Variants in SCAF8 observed in about 807,000 individuals in gnomAD.
SCAF8 encodes the protein SR-related and CTD-associated factor 8.
Under a neutral mutation model 140.5 loss-of-function variants are expected in SCAF8, and 23 were observed. The ratio of observed to expected loss-of-function variants is 0.16; its 90% CI spans 0.12 to 0.23. SCAF8 has a LOEUF of 0.23. Among genes scored for constraint, SCAF8 ranks in the 10% least tolerant of loss-of-function variants. SCAF8 has a pLI of 1.00. For missense variants in SCAF8, 1,397 were observed against 1,555.7 expected (o/e 0.90, Z 1.72); for synonymous variants, 575 against 528.9 (o/e 1.09, Z -1.20).
rs753498772 is a variant in SCAF8, at chr6:154,808,687, A to G, written c.1115A>G (p.Asp372Gly). ...TTTGCTGTTCTTTTGACTTTCAAGGATATGGATATAGATGAAGGGCAAGAT... is the reference window on the plus strand; with the variant it reads ...TTTGCTGTTCTTTTGACTTTCAAGGGTATGGATATAGATGAAGGGCAAGAT... Reference protein sequence around the residue: ...LDDSIDIQQQDMDIDEGQDGV... With the variant: ...LDDSIDIQQQGMDIDEGQDGV... Residue 372 changes from aspartate to glycine, a missense_variant and splice_region_variant, in exon 11 of 20, where the codon GAT becomes GGT. Coordinates refer to ENST00000367178, the MANE Select transcript of SCAF8 (RefSeq NM_014892.5). The G allele has an allele frequency of 2.5e-6, 4 of 1,593,094 alleles. No individual in the cohort carries two copies.
intron 1 of SCAF8, among the ~76,000 whole-genome samples, chr6:154,757,548 T>A (rs1778997607): frequency 6.6e-6 from 1 of 152,180 alleles, no homozygotes; most frequent in Non-Finnish European, 1.5e-5. Flanking sequence ...TATACTAAAC[T>A]ACTGTATGAA....
intron 8 of SCAF8, among the ~76,000 whole-genome samples, chr6:154,804,166 A>G (rs1261843295): frequency 6.6e-6 from 1 of 151,982 alleles, no homozygotes; most frequent in Non-Finnish European, 1.5e-5. Flanking sequence ...AAGATGTTGG[A>G]GGAGGCAGGG....
chr6:154,766,188 G>A (rs1776560435), intron 1 of SCAF8, among the ~76,000 whole-genome samples: 1 of 152,116 alleles, frequency 6.6e-6, no homozygotes, highest in South Asian at 2.1e-4. Flanking sequence ...AGTAGGCTGA[G>A]GAAGGGAAAG....
Position 154,831,992 on chromosome 6 carries a change from A to G in SCAF8, c.2413A>G (p.Asn805Asp), listed in dbSNP as rs765298813. The G allele has an allele frequency of 1.9e-6, 3 of 1,613,240 alleles. No homozygotes were observed. Among genetic ancestry groups the G allele is most frequent in the East Asian group, 4.5e-5 (2 of 44,858 alleles). The change falls in exon 20 of 20, where the codon AAT (asparagine) becomes GAT (aspartate). Residue 805 changes from asparagine to aspartate, a missense_variant. Asn to Asp is a conservative substitution (Grantham distance 23). This residue lies in a region of SCAF8 where 930 missense variants were observed against 874.6 expected (regional missense o/e 1.06). Coordinates refer to ENST00000367178, the MANE Select transcript of SCAF8 (RefSeq NM_014892.5). Reference sequence around the variant, plus strand: ...TGCAATTTTAGGAGGACAGCCGCCAAATGTGACAAGCAATTCTGGAATTCT... The same window carrying G: ...TGCAATTTTAGGAGGACAGCCGCCAGATGTGACAAGCAATTCTGGAATTCT... ...NAAILGGQPP[N>D]VTSNSGILGV...
Position 154,790,638 on chromosome 6 carries a change from G to A in SCAF8, c.322-2185G>A, listed in dbSNP as rs528313747. 9.9e-5 allele frequency among the ~76,000 whole-genome samples: 15 copies of A among 151,554 alleles called. No individual in the cohort carries two copies. In the East Asian group the frequency reaches 2.7e-3, roughly 27 times the overall value. ...CCATTCTCTTGCCTCAGCCTCCCAAGTAGCTGGGACTACAGGCGCCCACCA... is the reference window on the plus strand; with the variant it reads ...CCATTCTCTTGCCTCAGCCTCCCAAATAGCTGGGACTACAGGCGCCCACCA... On this transcript the variant is annotated intron_variant, in intron 4 of 19. Coordinates refer to ENST00000367178, the MANE Select transcript of SCAF8 (RefSeq NM_014892.5).
chr6:154,765,297 G>A (rs1583014458), intron 1 of SCAF8, among the ~76,000 whole-genome samples: 3 of 152,280 alleles, frequency 2.0e-5, no homozygotes, highest in South Asian at 4.1e-4. Flanking sequence ...GGATTGAGTG[G>A]TAGTGAACTG....
intron 3 of SCAF8, among the ~76,000 whole-genome samples, chr6:154,779,439 A>G (rs1448720727): frequency 6.6e-6 from 1 of 152,246 alleles, no homozygotes; most frequent in Non-Finnish European, 1.5e-5. Flanking sequence ...GAGTGTGGAG[A>G]GGAACCTGAG....
chr6:154,828,828 A>G (rs1476234480), intron 18 of SCAF8, among the ~76,000 whole-genome samples: 5 of 152,266 alleles, frequency 3.3e-5, no homozygotes, highest in Non-Finnish European at 7.3e-5. Flanking sequence ...AAGTATTATT[A>G]AAGAAATTAG....
intron 6 of SCAF8, among the ~76,000 whole-genome samples, chr6:154,801,460 A>AG (rs371203738): frequency 4.9e-4 from 75 of 151,536 alleles, no homozygotes; most frequent in African/African-American, 1.7e-3. Context: ...GTTTTTTAAC[A>AG]GGGGTGGGTA....
At chr6:154,738,221 C>T (rs1330842279) in intron 1 of SCAF8, among the ~76,000 whole-genome samples, 1 of 151,818 alleles carries the variant, frequency 6.6e-6, no homozygotes, top group African/African-American at 2.4e-5. Context: ...AAAAGAAAAC[C>T]CCAATAATAC....
intron 18 of SCAF8, among the ~76,000 whole-genome samples, chr6:154,829,113 C>T (rs1365869833): frequency 1.3e-5 from 2 of 152,026 alleles, no homozygotes; most frequent in South Asian, 2.1e-4. Context: ...ATATGACAAA[C>T]CTGCACATGT....
At chr6:154,782,457 GGCA>G (rs1777112613) in intron 3 of SCAF8, among the ~76,000 whole-genome samples, 1 of 151,848 alleles carries the variant, frequency 6.6e-6, no homozygotes, top group Non-Finnish European at 1.5e-5. Context: ...AAATGGGGGC[GGCA>G]GCAGCAGCAG....
At chr6:154,822,469 A>G in intron 16 of SCAF8, 60 bp downstream of exon 16, 2 of 1,491,896 alleles carry the variant, frequency 1.3e-6, no homozygotes, top group South Asian at 1.3e-5. Flanking sequence ...GTTTTTAATC[A>G]TGTATTTACT....
chr6:154,736,524 G>C (rs1028990123), intron 1 of SCAF8, among the ~76,000 whole-genome samples: 3 of 151,676 alleles, frequency 2.0e-5, no homozygotes, highest in African/African-American at 7.3e-5. Flanking sequence ...CACCCGGCTC[G>C]GCCTCCCAAA....
At chr6:154,809,795 C>T (rs1778035533) in intron 11 of SCAF8, among the ~76,000 whole-genome samples, 1 of 152,118 alleles carries the variant, frequency 6.6e-6, no homozygotes, top group Admixed American at 6.6e-5. Context: ...TGTGAATAGT[C>T]ACCCATACTC....
chr6:154,751,448 G>A (rs1778835169), intron 1 of SCAF8, among the ~76,000 whole-genome samples: 1 of 151,916 alleles, frequency 6.6e-6, no homozygotes, highest in African/African-American at 2.4e-5. Flanking sequence ...GGCTGGTCTC[G>A]AACTCCCTAC....
chr6:154,752,871 G>A (rs545009721), intron 1 of SCAF8, among the ~76,000 whole-genome samples: 72 of 152,204 alleles, frequency 4.7e-4, no homozygotes, highest in African/African-American at 1.7e-3. Flanking sequence ...ATAGGCACTT[G>A]CCACCATGCC....
intron 1 of SCAF8, among the ~76,000 whole-genome samples, chr6:154,768,127 A>G (rs1776635086): frequency 1.3e-5 from 2 of 152,184 alleles, no homozygotes; most frequent in Admixed American, 1.3e-4. Flanking sequence ...CAGCTTCATG[A>G]ATTTCCTTTT....
At chr6:154,809,474 C>G (rs1053358669) in intron 11 of SCAF8, among the ~76,000 whole-genome samples, 1 of 152,146 alleles carries the variant, frequency 6.6e-6, no homozygotes, top group Non-Finnish European at 1.5e-5. Context: ...TTTCCTGAAG[C>G]ATTAACAATC....
Sources: gnomAD v4.1 joint callset for allele counts (sites outside exome capture counted in the v4.1 genomes callset) on GRCh38, gnomAD v4.1.1 for gene constraint, gnomAD v4.1.1 regional missense constraint, MANE v1.5 for transcripts, NCBI Gene and HGNC (gene_info 2026-07-23, HGNC 2026-07-21) for gene names.